Variants in FNBP1 observed in about 807,000 individuals in gnomAD.
FNBP1 encodes formin-binding protein 1.
In FNBP1, 26 loss-of-function variants were observed where a neutral mutation model predicts 90.6. The observed-to-expected ratio is 0.29, with a 90% CI of 0.21 to 0.40. The LOEUF is 0.40. Ranked by LOEUF, FNBP1 falls within the 10% of genes least tolerant of loss-of-function variation. The pLI is 1.00. For missense variants in FNBP1, 635 were observed against 768.0 expected, an observed-to-expected ratio of 0.83 and a Z score of 2.05; for synonymous variants, 260 against 265.2, an observed-to-expected ratio of 0.98 and a Z score of 0.19.
chr9:129,946,989 T>TTAGG (rs1260725379), intron 6 of FNBP1, among the ~76,000 whole-genome samples: 1 of 152,202 alleles, frequency 6.6e-6, no homozygotes, highest in African/African-American at 2.4e-5. Context: ...AACACAAAGA[T>TTAGG]TAGGTGTAGC....
intron 1 of FNBP1, among the ~76,000 whole-genome samples, chr9:130,036,350 T>C (rs187215539): frequency 6.6e-6 from 1 of 152,340 alleles, no homozygotes; most frequent in Non-Finnish European, 1.5e-5. Flanking sequence ...TTTCCATGTC[T>C]CACCAATGTA....
intron 1 of FNBP1, among the ~76,000 whole-genome samples, chr9:130,037,044 C>CAA (rs34633401): frequency 0.025 from 3,205 of 128,982 alleles, 68 homozygotes; most frequent in Non-Finnish European, 0.038. Flanking sequence ...GACTCCATCT[C>CAA]AAAAAAAAAA....
upstream of FNBP1, among the ~76,000 whole-genome samples, chr9:130,044,282 C>G (rs748211297): frequency 3.9e-5 from 6 of 152,172 alleles, no homozygotes; most frequent in Non-Finnish European, 5.9e-5. Flanking sequence ...TGCATTTCTC[C>G]AATCCCACCC....
In FNBP1 at chr9:129,972,058, C is replaced by T. The variant is rs765729536; in HGVS notation, c.345+6407G>A. On this transcript the variant is annotated intron_variant, in intron 4 of 16. Transcript: ENST00000446176. ...GTAAGGCATTATTTCTAGTCAGCCACGAAAAATAGTAGCTGGGTCTAAAAT... is the reference window on the plus strand; with the variant it reads ...GTAAGGCATTATTTCTAGTCAGCCATGAAAAATAGTAGCTGGGTCTAAAAT... Among the ~76,000 whole-genome samples the T allele has an allele frequency of 6.3e-4, 96 of 152,128 alleles. 2 individuals are homozygous for T. The highest frequency in any genetic ancestry group is 1.3e-4 in the Admixed American group (2 of 15,260).
chr9:129,965,310 C>A (rs2048387906), intron 4 of FNBP1, among the ~76,000 whole-genome samples: 1 of 152,166 alleles, frequency 6.6e-6, no homozygotes, highest in South Asian at 2.1e-4. Flanking sequence ...AGTAAAAATA[C>A]CTTCTTAATG....
At chr9:129,944,689 A>T (rs2044946909) in intron 6 of FNBP1, among the ~76,000 whole-genome samples, 1 of 152,182 alleles carries the variant, frequency 6.6e-6, no homozygotes. Context: ...CTACACATAC[A>T]TCACACCCAC....
Position 129,979,309 on chromosome 9 carries a change from TA to T in FNBP1, c.197+8del. The T allele has an allele frequency of 6.4e-7, 1 of 1,564,570 alleles. No homozygotes were observed. Among genetic ancestry groups the T allele is most frequent in the Non-Finnish European group, 8.8e-7 (1 of 1,136,850 alleles). The stretch of plus-strand genomic sequence containing the variant: ...TCTATTACAAGACAATTTTCAATGG[TA>T]AACATACTTGTATTCTTCTTCCTCC... On this transcript the variant is annotated splice_region_variant and intron_variant, in intron 3 of 16. Transcript: ENST00000446176.
chr9:129,978,420 G>C, intron 4 of FNBP1, 45 bp downstream of exon 4: 1 of 1,528,342 alleles, frequency 6.5e-7, no homozygotes, highest in Non-Finnish European at 9.0e-7. Context: ...TTCCCACTGT[G>C]TTTGGTCCAT....
intron 16 of FNBP1, among the ~76,000 whole-genome samples, chr9:129,894,107 GAGGC>G (rs1465037988): frequency 1.3e-5 from 2 of 151,998 alleles, no homozygotes; most frequent in Non-Finnish European, 2.9e-5. Context: ...CCACAATGTA[GAGGC>G]AGGCAGGGGC....
intron 4 of FNBP1, among the ~76,000 whole-genome samples, chr9:129,962,844 C>T (rs1464750891): frequency 6.6e-6 from 1 of 152,126 alleles, no homozygotes; most frequent in African/African-American, 2.4e-5. Context: ...TAGTGGAGAA[C>T]GTATAGAAAA....
At chr9:129,934,886 T>A (rs2043210851) in intron 6 of FNBP1, among the ~76,000 whole-genome samples, 1 of 152,052 alleles carries the variant, frequency 6.6e-6, no homozygotes. Context: ...CCAGCCCACT[T>A]CTTGGTAATT....
chr9:129,905,879 C>CTTT (rs35439760), intron 12 of FNBP1, among the ~76,000 whole-genome samples: 50 of 145,380 alleles, frequency 3.4e-4, no homozygotes, highest in African/African-American at 9.4e-4. Context: ...AGGCATATTT[C>CTTT]TTTTTTTTTT....
intron 6 of FNBP1, among the ~76,000 whole-genome samples, chr9:129,946,581 A>G (rs2045325406): frequency 1.3e-5 from 2 of 152,250 alleles, no homozygotes; most frequent in Admixed American, 6.5e-5. Flanking sequence ...GGTGGAAAAC[A>G]TCGGCTCATA....
At position 130,031,328 on chromosome 9, in the gene FNBP1, G is replaced by GT. The variant is rs1371831180; in HGVS notation, c.24+11623dup. Among the ~76,000 whole-genome samples the GT allele has an allele frequency of 6.6e-6, 1 of 152,212 alleles. No individual in the cohort carries two copies. The highest frequency in any genetic ancestry group is 2.4e-5 in the African/African-American group (1 of 41,466). ...GGTACCTGCTTTCAGCAGTTCAAGG[G>GT]TATTTCCCATGCTCTCAAGGTGAGG... On this transcript the variant is annotated intron_variant, in intron 1 of 16. Coordinates refer to ENST00000446176, the MANE Select transcript of FNBP1 (RefSeq NM_015033.3). The surrounding 1 kb of genome is among the most constrained non-coding windows in gnomAD (Gnocchi z 4.2).
chr9:129,992,962 C>CA (rs1278858370), intron 2 of FNBP1, among the ~76,000 whole-genome samples: 1 of 149,600 alleles, frequency 6.7e-6, no homozygotes, highest in Non-Finnish European at 1.5e-5. Context: ...CACGGTGGCT[C>CA]ACGCCTGTAA....
intron 1 of FNBP1, among the ~76,000 whole-genome samples, chr9:130,032,036 C>T (rs545592728): frequency 1.3e-5 from 2 of 152,158 alleles, no homozygotes; most frequent in Non-Finnish European, 2.9e-5. Flanking sequence ...ACCACCACTA[C>T]TCCTCTTGCC....
rs554329486 is a variant in FNBP1, at chr9:129,891,110, G to A, written c.1847-564C>T. 2.2e-3 allele frequency among the ~76,000 whole-genome samples: 327 copies of A among 151,426 alleles called. 2 individuals carry two copies. Among genetic ancestry groups the A allele is most frequent in the African/African-American group, 7.6e-3 (313 of 41,218 alleles). ...GCGGAGGTTGCAGTGAGCTGAGATC[G>A]GGCCACTGCACTCCAGCCTGGACAA... On this transcript the variant is annotated intron_variant, in intron 16 of 16. Transcript: ENST00000446176.
intron 15 of FNBP1, among the ~76,000 whole-genome samples, chr9:129,898,704 G>A (rs1272069401): frequency 6.6e-6 from 1 of 152,042 alleles, no homozygotes; most frequent in Non-Finnish European, 1.5e-5. Flanking sequence ...TGGCCAGGAT[G>A]GTCTCGATCT....
intron 15 of FNBP1, among the ~76,000 whole-genome samples, chr9:129,898,447 T>C (rs890911565): frequency 2.0e-5 from 3 of 150,628 alleles, no homozygotes; most frequent in African/African-American, 7.3e-5. Context: ...TTCTCCCCTG[T>C]CCTCCCCGTT....
Sources: gnomAD v4.1 joint callset for allele counts (sites outside exome capture counted in the v4.1 genomes callset) on GRCh38, gnomAD v4.1.1 for gene constraint, Gnocchi (gnomAD v3.1) non-coding constraint, MANE v1.5 for transcripts, NCBI Gene and HGNC (gene_info 2026-07-23, HGNC 2026-07-21) for gene names.